The following DOP1A variants were observed in gnomAD, a reference collection of about 807,000 sequenced individuals.
DOP1A encodes protein DOP1A.
Under a neutral mutation model 267.6 loss-of-function variants are expected in DOP1A, and 90 were observed. The observed-to-expected ratio is 0.34, with a 90% CI of 0.28 to 0.40. DOP1A has a LOEUF of 0.40. DOP1A is among the 10% of genes least tolerant of loss of function. DOP1A has a pLI of 1.00. For missense variants in DOP1A, 2,437 were observed against 2,900.4 expected (o/e 0.84, Z 3.67); for synonymous variants, 932 against 999.1 (o/e 0.93, Z 1.27).
Position 83,158,622 on chromosome 6 carries a change from G to A in DOP1A, c.6797G>A (p.Arg2266Gln), listed in dbSNP as rs1783405468. The change falls in exon 36 of 39, where the codon CGG becomes CAG. Residue 2266 changes from arginine to glutamine, a missense_variant and splice_region_variant. This residue lies in a region of DOP1A where 197 missense variants were observed against 246.5 expected (regional missense o/e 0.80). Transcript: ENST00000349129. ...QELTADEDIS[R>Q]TSGPSVAGLE... ...CTCACTGCTGATGAAGATATTTCACGGTAATATGTAATTTAAATATATTGT... is the reference window on the plus strand; with the variant it reads ...CTCACTGCTGATGAAGATATTTCACAGTAATATGTAATTTAAATATATTGT... 1.9e-6 allele frequency: 3 copies of A among 1,596,612 alleles called. No homozygotes were observed. The highest frequency in any genetic ancestry group is 1.7e-5 in the Admixed American group (1 of 58,988).
rs774367035 is a variant in DOP1A at position 83,122,064 on chromosome 6, AAATT to A, written c.1220+17_1220+20del. ...TCAGTTAAGCAGGTGGATTATCAAA[AAATT>A]AAATGTGACATGAAGACATAATATG... On this transcript the variant is annotated intron_variant, in intron 11 of 38. Coordinates refer to ENST00000349129, the MANE Select transcript of DOP1A (RefSeq NM_015018.4). The A allele has an allele frequency of 5.6e-5, 90 of 1,607,242 alleles. 2 individuals carry two copies. The South Asian group carries it at 9.7e-4, about 17-fold the overall frequency.
At chr6:83,150,122 C>T (rs1781350928) in intron 27 of DOP1A, among the ~76,000 whole-genome samples, 1 of 152,174 alleles carries the variant, frequency 6.6e-6, no homozygotes, top group African/African-American at 2.4e-5. Flanking sequence ...TGCCTGCAAT[C>T]CCAGCACTTT....
chr6:83,067,994 G>T (rs1245885710), intron 1 of DOP1A, among the ~76,000 whole-genome samples: 1 of 152,218 alleles, frequency 6.6e-6, no homozygotes, highest in African/African-American at 2.4e-5. Flanking sequence ...GGACTGGAGG[G>T]CCAGGGCTGG....
At chr6:83,117,853 GA>G (rs770163285) in intron 7 of DOP1A, among the ~76,000 whole-genome samples, 10 of 152,304 alleles carry the variant, frequency 6.6e-5, no homozygotes, top group Non-Finnish European at 1.3e-4. Flanking sequence ...TCAAAGGAGT[GA>G]ACCTAATTCG....
At chr6:83,124,840 A>T in intron 13 of DOP1A, 21 bp downstream of exon 13, 2 of 1,558,720 alleles carry the variant, frequency 1.3e-6, no homozygotes, top group Non-Finnish European at 1.8e-6. Context: ...CTTGGTAAGA[A>T]AATATCAAGG....
In DOP1A at chr6:83,122,973, A is replaced by T; in HGVS notation, c.1331A>T (p.Glu444Val). The T allele has an allele frequency of 1.3e-6, 2 of 1,581,790 alleles. No homozygotes were observed. The highest frequency in any genetic ancestry group is 1.7e-6 in the Non-Finnish European group (2 of 1,169,188). Residue 444 changes from glutamate (E) to valine (V), a missense_variant, in exon 12 of 39, where the codon GAA (glutamate) becomes GTA (valine). This residue lies in a region of DOP1A where 498 missense variants were observed against 513.5 expected (regional missense o/e 0.97). Coordinates refer to ENST00000349129, the MANE Select transcript of DOP1A (RefSeq NM_015018.4). ...MWDYVARWFE[E>V]CCRRTLHVRL... ...GATTATGTTGCACGCTGGTTTGAAG[A>T]ATGTTGTAGGTATGTTAAACTTTCA...
intron 3 of DOP1A, among the ~76,000 whole-genome samples, chr6:83,099,765 T>C (rs1270064098): frequency 6.6e-6 from 1 of 151,818 alleles, no homozygotes; most frequent in Admixed American, 6.6e-5. Flanking sequence ...CATACACATA[T>C]ATATATGCTC....
chr6:83,155,927 A>C, intron 33 of DOP1A, 24 bp from the exon 34 acceptor site: 1 of 1,600,662 alleles, frequency 6.2e-7, no homozygotes, highest in Non-Finnish European at 8.5e-7. Flanking sequence ...ACAGTGTCAC[A>C]GTCTCTTTCA....
intron 7 of DOP1A, 146 bp from the exon 8 acceptor site, chr6:83,118,742 G>A: frequency 2.0e-6 from 1 of 489,462 alleles, no homozygotes; most frequent in Non-Finnish European, 3.4e-6. Context: ...CTGTAAAATG[G>A]AAGTAATATC....
chr6:83,160,723 AGTT>A (rs1369206863), intron 37 of DOP1A, among the ~76,000 whole-genome samples: 1 of 152,212 alleles, frequency 6.6e-6, no homozygotes. Flanking sequence ...ATCAAAATGT[AGTT>A]AAGGTAATAT....
chr6:83,125,279 T>C, intron 14 of DOP1A, 84 bp downstream of exon 14: 1 of 1,352,580 alleles, frequency 7.4e-7, no homozygotes, highest in Non-Finnish European at 1.0e-6. Context: ...CAGATAAAAC[T>C]GGGGTTATTT....
intron 7 of DOP1A, among the ~76,000 whole-genome samples, chr6:83,113,656 A>C (rs138109725): frequency 6.6e-6 from 1 of 152,332 alleles, no homozygotes; most frequent in East Asian, 1.9e-4. Flanking sequence ...CATACTTTTG[A>C]AAAAAGTTGT....
At chr6:83,087,596 T>A (rs1026907402) in intron 1 of DOP1A, among the ~76,000 whole-genome samples, 1 of 152,236 alleles carries the variant, frequency 6.6e-6, no homozygotes, top group Non-Finnish European at 1.5e-5. Context: ...TTGCTTGTGT[T>A]TAAATCCCTA....
chr6:83,072,772 AAT>A (rs1485396892), intron 1 of DOP1A, among the ~76,000 whole-genome samples: 1 of 152,250 alleles, frequency 6.6e-6, no homozygotes, highest in Non-Finnish European at 1.5e-5. Context: ...AAACCTTTAG[AAT>A]ATGTGTTATT....
chr6:83,107,249 A>G (rs1773778200), intron 4 of DOP1A, among the ~76,000 whole-genome samples: 1 of 152,176 alleles, frequency 6.6e-6, no homozygotes, highest in Non-Finnish European at 1.5e-5. Flanking sequence ...GAAAAATTAC[A>G]GAAAAGAAAA....
chr6:83,121,771 T>G (rs568975949), intron 10 of DOP1A, among the ~76,000 whole-genome samples, 159 bp from the exon 11 acceptor site: 1 of 151,976 alleles, frequency 6.6e-6, no homozygotes, highest in African/African-American at 2.4e-5. Context: ...ATATCTTATA[T>G]TACCTTCTCA....
At position 83,096,781 on chromosome 6, in the gene DOP1A, G is replaced by T; in HGVS notation, c.-96G>T. 2 of 484,818 alleles carry T rather than the reference G, an allele frequency of 4.1e-6. No homozygotes were observed. Among genetic ancestry groups the T allele is most frequent in the South Asian group, 1.3e-4 (2 of 15,138 alleles). The allele number at this position is 484,818 out of a possible 1,614,324, so 30.0% of individuals were successfully genotyped here. A position where few individuals can be genotyped will look rare whatever the true frequency, so the allele number is the denominator to read the frequency against. On this transcript the variant is annotated 5_prime_UTR_variant, in exon 2 of 39. An upstream start codon of the reference 5' UTR is lost. Coordinates refer to ENST00000349129, the MANE Select transcript of DOP1A (RefSeq NM_015018.4). ...TCAGGCTGTCTTTGAATACTTCCAT[G>T]ACCCTGAACACTAGCTGAGGAGAGT...
chr6:83,137,295 A>G lies in DOP1A; in HGVS notation c.3253A>G (p.Ser1085Gly), dbSNP rs181310072. The change falls in exon 21 of 39, where the codon AGC (serine) becomes GGC (glycine). Residue 1085 changes from serine to glycine, a missense_variant. Coordinates refer to ENST00000349129, the MANE Select transcript of DOP1A (RefSeq NM_015018.4). ...LSDRLSLLST[S>G]SETIPMVVSD... ...TGACAGACTTTCCCTCCTAAGTACC[A>G]GCAGTGAGACAATTCCAATGGTTGT... The G allele has an allele frequency of 7.4e-6, 12 of 1,613,812 alleles. No homozygotes were observed. Among genetic ancestry groups the G allele is most frequent in the Non-Finnish European group, 1.0e-5 (12 of 1,179,778 alleles).
Position 83,139,110 on chromosome 6 carries a change from T to C in DOP1A, c.5068T>C (p.Leu1690=). 1 of 1,613,956 alleles carries C rather than the reference T, an allele frequency of 6.2e-7. No homozygotes were observed. The highest frequency in any genetic ancestry group is 1.1e-5 in the South Asian group (1 of 91,060). The part of the protein sequence containing the change: ...VSVTLQLCRN[L]DNLIQQYKYE... ...TGTGACACTACAACTGTGCAGAAAT[T>C]TAGATAATCTAATTCAGCAGTACAA... The change falls in exon 21 of 39, where the codon TTA becomes CTA. Residue 1690 remains leucine (L), a synonymous_variant. Coordinates refer to ENST00000349129, the MANE Select transcript of DOP1A (RefSeq NM_015018.4).
Sources: gnomAD v4.1 joint callset for allele counts (sites outside exome capture counted in the v4.1 genomes callset) on GRCh38, gnomAD v4.1.1 for gene constraint, gnomAD v4.1.1 regional missense constraint, MANE v1.5 for transcripts, NCBI Gene and HGNC (gene_info 2026-07-23, HGNC 2026-07-21) for gene names.